The following CD44 variants were observed in gnomAD, a reference collection of about 807,000 sequenced individuals.
CD44 encodes CD44 molecule (IN blood group).
In CD44, 49 loss-of-function variants were observed where a neutral mutation model predicts 88.8. That is an observed-to-expected ratio of 0.55 (90% confidence interval 0.44 to 0.70). The LOEUF is 0.70. CD44 is among the 30% of genes least tolerant of loss of function. The pLI is 0.00. For synonymous variants in CD44, 325 were observed against 312.3 expected (o/e 1.04, Z -0.43); for missense variants, 883 against 913.8 (o/e 0.97, Z 0.43).
chr11:35,176,806 A>C, intron 2 of CD44, 66 bp downstream of exon 2: 1 of 1,470,232 alleles, frequency 6.8e-7, no homozygotes, highest in Non-Finnish European at 9.3e-7. Context: ...TGGGCTTAGA[A>C]CTGGAAGGCT....
intron 7 of CD44, among the ~76,000 whole-genome samples, chr11:35,199,279 T>A (rs1375077131): frequency 2.0e-5 from 3 of 152,208 alleles, no homozygotes; most frequent in Admixed American, 1.3e-4. Context: ...GAGATGGAAA[T>A]TGAGCTTTAA....
intron 1 of CD44, among the ~76,000 whole-genome samples, chr11:35,156,414 T>A (rs1394231752): frequency 6.6e-6 from 1 of 152,220 alleles, no homozygotes; most frequent in Non-Finnish European, 1.5e-5. Flanking sequence ...GATGTGATTG[T>A]GTCTTAGGCA....
At chr11:35,163,747 A>G (rs102518) in intron 1 of CD44, among the ~76,000 whole-genome samples, 38,836 of 152,048 alleles carry the variant, frequency 0.26, 5,015 homozygotes, top group African/African-American at 0.29. Flanking sequence ...TGTGCATGGT[A>G]TTAGCAAATT....
At chr11:35,214,572 A>G (rs901359326) in intron 14 of CD44, 1 of 326,022 alleles carries the variant, frequency 3.1e-6, no homozygotes, top group Non-Finnish European at 5.5e-6. Flanking sequence ...TTCTACCAAA[A>G]CAAAGTTTCT....
chr11:35,204,438 G>A (rs892423547), intron 9 of CD44, 74 bp from the exon 10 acceptor site: 5 of 1,484,682 alleles, frequency 3.4e-6, no homozygotes, highest in Admixed American at 3.5e-5. Flanking sequence ...TGCCCTTAAA[G>A]TAGAAAGATA....
intron 2 of CD44, 57 bp from the exon 3 acceptor site, chr11:35,180,217 T>C: frequency 1.3e-6 from 2 of 1,570,574 alleles, no homozygotes; most frequent in Non-Finnish European, 1.8e-6. Flanking sequence ...GAATGGGATA[T>C]TATGAAATTC....
At chr11:35,189,268 G>C (rs1252796858) in intron 4 of CD44, among the ~76,000 whole-genome samples, 1 of 152,150 alleles carries the variant, frequency 6.6e-6, no homozygotes, top group South Asian at 2.1e-4. Flanking sequence ...AGCCAGAAGT[G>C]GGTGTTTGCA....
rs1242770829 is a variant in CD44, at chr11:35,231,870, G to T, written c.*2537G>T. ...TTTTTCTTGCAATTGTAAATCTTTT[G>T]TGTCTCCTGAAGACTTCCCTTAAAA... On this transcript the variant is annotated 3_prime_UTR_variant, in exon 18 of 18. Coordinates refer to ENST00000428726, the MANE Select transcript of CD44 (RefSeq NM_000610.4). 6.6e-6 allele frequency: 1 copy of T among 152,182 alleles called. No homozygotes were observed. Among genetic ancestry groups the T allele is most frequent in the African/African-American group, 2.4e-5 (1 of 41,446 alleles). The allele number at this position is 152,182 out of a possible 1,614,324, so 9.4% of individuals were successfully genotyped here.
chr11:35,204,774 C>T, intron 10 of CD44, 134 bp downstream of exon 10: 2 of 782,844 alleles, frequency 2.6e-6, no homozygotes, highest in East Asian at 5.6e-5. Flanking sequence ...AATTATGCTG[C>T]AGTTCACACA....
chr11:35,207,289 G>T (rs188723091), intron 11 of CD44, among the ~76,000 whole-genome samples: 14 of 152,358 alleles, frequency 9.2e-5, no homozygotes, highest in African/African-American at 3.1e-4. Flanking sequence ...GTATTCTGGT[G>T]CTTCACTGGG....
At chr11:35,185,582 CTCTCTCCATCCA>C (rs1945583164) in intron 3 of CD44, among the ~76,000 whole-genome samples, 1 of 126,970 alleles carries the variant, frequency 7.9e-6, no homozygotes, top group East Asian at 1.9e-4. Context: ...TCCTCCCTCC[CTCTCTCCATCCA>C]TCTATCCATC....
rs150840893 is a variant in CD44, at chr11:35,143,532, C to T, written c.67+4162C>T. ...GATCCAGTGGTGGAGTTGGGATTTC[C>T]GCATTATCTAACATCCTCCCATGTT... On this transcript the variant is annotated intron_variant, in intron 1 of 17. Transcript: ENST00000428726. 2.2e-4 allele frequency among the ~76,000 whole-genome samples: 33 copies of T among 152,170 alleles called. No individual in the cohort carries two copies. The South Asian group carries it at 6.2e-3, about 29-fold the overall frequency.
chr11:35,191,958 A>G (rs1266432002), intron 5 of CD44, among the ~76,000 whole-genome samples: 2 of 152,328 alleles, frequency 1.3e-5, no homozygotes, highest in African/African-American at 2.4e-5. Flanking sequence ...TATTCATTCA[A>G]TCAATATCTG....
chr11:35,144,066 T>C (rs1257359511), intron 1 of CD44, among the ~76,000 whole-genome samples: 3 of 152,192 alleles, frequency 2.0e-5, no homozygotes, highest in Non-Finnish European at 4.4e-5. Context: ...TGAAACCCAG[T>C]GTGTGGCTCT....
At chr11:35,192,653 A>T (rs1946373115) in intron 5 of CD44, among the ~76,000 whole-genome samples, 2 of 152,166 alleles carry the variant, frequency 1.3e-5, no homozygotes, top group African/African-American at 4.8e-5. Flanking sequence ...CAGGCTGTTT[A>T]TCTTGAGTGT....
chr11:35,177,339 A>G (rs2133662500), intron 2 of CD44, among the ~76,000 whole-genome samples: 1 of 152,348 alleles, frequency 6.6e-6, no homozygotes. Context: ...CCTTCCTCAA[A>G]CTATGGCTCC....
intron 6 of CD44, 35 bp downstream of exon 6, chr11:35,196,909 T>A: frequency 6.2e-7 from 1 of 1,602,448 alleles, no homozygotes; most frequent in Non-Finnish European, 8.5e-7. Context: ...GCGTATGTTT[T>A]CTTGACAGCC....
chr11:35,180,229 C>T (rs981434246), intron 2 of CD44, 45 bp from the exon 3 acceptor site: 7 of 1,601,020 alleles, frequency 4.4e-6, no homozygotes, highest in African/African-American at 2.7e-5. Flanking sequence ...ATGAAATTCC[C>T]ATCTTAGCCA....
chr11:35,146,458 C>A (rs956086777), intron 1 of CD44, among the ~76,000 whole-genome samples: 1 of 152,166 alleles, frequency 6.6e-6, no homozygotes, highest in Non-Finnish European at 1.5e-5. Flanking sequence ...TTTCTGAGAA[C>A]CCTCACCACT....
Sources: gnomAD v4.1 joint callset for allele counts (sites outside exome capture counted in the v4.1 genomes callset) on GRCh38, gnomAD v4.1.1 for gene constraint, MANE v1.5 for transcripts, NCBI Gene and HGNC (gene_info 2026-07-23, HGNC 2026-07-21) for gene names.